The following TNK2 variants were observed in gnomAD, a reference collection of about 807,000 sequenced individuals.
TNK2 encodes activated CDC42 kinase 1.
Under a neutral mutation model 101.8 loss-of-function variants are expected in TNK2, and 83 were observed. That is an observed-to-expected ratio of 0.82 (90% CI 0.68 to 0.98). The LOEUF (loss-of-function observed/expected upper bound fraction) is 0.98. TNK2 is among the 50% of genes least tolerant of loss of function. TNK2 has a pLI of 0.00. For synonymous variants in TNK2, 804 were observed against 633.0 expected (o/e 1.27, Z -4.06); for missense variants, 1,665 against 1,483.2 (o/e 1.12, Z -2.01).
chr3:195,866,994 C>A lies in TNK2; in HGVS notation c.3056G>T (p.Gly1019Val), dbSNP rs761374258. Residue 1019 changes from glycine to valine, a missense_variant, in exon 15 of 16, where the codon GGT becomes GTT. Transcript: ENST00000672887. ...GTGGCACTCCCCTCTGGGCCGCAGACCCAGCCCGAAGAGCTGCTCCACCTG... is the reference window on the plus strand; with the variant it reads ...GTGGCACTCCCCTCTGGGCCGCAGAACCAGCCCGAAGAGCTGCTCCACCTG... ...YLKVEQLFGL[G>V]LRPRGECHKV... 3 of 1,613,236 alleles carry A rather than the reference C, an allele frequency of 1.9e-6. No individual in the cohort carries two copies. Among genetic ancestry groups the A allele is most frequent in the Non-Finnish European group, 2.5e-6 (3 of 1,179,930 alleles).
Position 195,868,523 on chromosome 3 carries a change from G to C in TNK2, c.1775C>G (p.Pro592Arg). ...EVTLIDFGEE[P>R]VVPALRPCAP... ...GCAGGGCCGTAGGGCCGGGACCACG[G>C]GCTCCTCACCGAAGTCGATGAGCGT... is the stretch of plus-strand genomic sequence containing the variant. Residue 592 changes from proline to arginine, a missense_variant, in exon 13 of 16, where the codon CCC becomes CGC. Pro to Arg is a moderately radical substitution (Grantham distance 103, BLOSUM62 -2). Transcript: ENST00000672887. 1 of 1,560,280 alleles carries C rather than the reference G, an allele frequency of 6.4e-7. No homozygotes were observed. Among genetic ancestry groups the C allele is most frequent in the Non-Finnish European group, 8.6e-7 (1 of 1,161,950 alleles).
intron 1 of TNK2, chr3:195,895,227 C>G (rs1577112670): frequency 6.6e-7 from 1 of 1,523,848 alleles, no homozygotes; most frequent in East Asian, 2.6e-5. Flanking sequence ...TCTGGCTATC[C>G]CCTAGCCTTC....
At position 195,867,153 on chromosome 3, in the gene TNK2, C is replaced by T; in HGVS notation, c.3033+16G>A. ...CAGGGTCCCTGAGAGCCAGAGTGAG[C>T]AGGAGGTGGCGGTACCTTCAGATAC... On this transcript the variant is annotated intron_variant, in intron 14 of 15. Transcript: ENST00000672887. 6.2e-7 allele frequency: 1 copy of T among 1,612,176 alleles called. No homozygotes were observed. Among genetic ancestry groups the T allele is most frequent in the Non-Finnish European group, 8.5e-7 (1 of 1,179,628 alleles).
At chr3:195,872,023 C>CCCTGGAGAACAT (rs1560489016) in intron 10 of TNK2, among the ~76,000 whole-genome samples, 4 of 67,706 alleles carry the variant, frequency 5.9e-5, no homozygotes, top group South Asian at 3.9e-4. Context: ...CTGGAGAACC[C>CCCTGGAGAACAT]TCCCCTGGAG....
rs565907557 is a variant in TNK2, at chr3:195,885,890, G to A, written c.235-857C>T. ...CCCCAGAGCTGGTGGATCCTTATCC[G>A]TCTGGGCTAGGGTGCCTCAAATCTG... On this transcript the variant is annotated intron_variant, in intron 3 of 15. Transcript: ENST00000672887. The surrounding 1 kb of genome is among the most constrained non-coding windows in gnomAD (Gnocchi z 4.7). The A allele has an allele frequency of 4.0e-5, 12 of 297,886 alleles. No individual in the cohort carries two copies. The highest frequency in any genetic ancestry group is 8.8e-5 in the South Asian group (3 of 34,044). 18.5% of individuals were successfully genotyped at this position (297,886 alleles called of 1,614,324 possible).
In TNK2 at chr3:195,888,543, C is replaced by G. The variant is rs774359188; in HGVS notation, c.46G>C (p.Glu16Gln). ...AGGAAGTACTGTTGCAGCTGCACCTCGGACAGCAGCTCCAGCAGCCAGCCT... is the reference window on the plus strand; with the variant it reads ...AGGAAGTACTGTTGCAGCTGCACCTGGGACAGCAGCTCCAGCAGCCAGCCT... Reference protein sequence around the residue: ...GTGWLLELLSEVQLQQYFLRL... With the variant: ...GTGWLLELLSQVQLQQYFLRL... The change falls in exon 2 of 16, where the codon GAG becomes CAG. Residue 16 changes from glutamate to glutamine, a missense_variant. By Grantham distance (29) the Glu-to-Gln change is conservative. Coordinates refer to ENST00000672887, the MANE Select transcript of TNK2 (RefSeq NM_001382273.1). The surrounding 1 kb of genome is among the most constrained non-coding windows in gnomAD (Gnocchi z 5.3). 3.7e-6 allele frequency: 6 copies of G among 1,612,802 alleles called. No individual in the cohort carries two copies. The Admixed American group carries it at 1.0e-4, about 27-fold the overall frequency.
chr3:195,895,760 G>C (rs552159152), intron 1 of TNK2: 1 of 302,218 alleles, frequency 3.3e-6, no homozygotes, highest in African/African-American at 2.2e-5. Context: ...GGGGCCATCC[G>C]AGAAGCCCAC....
chr3:195,903,131 C>T lies in TNK2; in HGVS notation c.-19+5354G>A, dbSNP rs898878475. Among the ~76,000 whole-genome samples, 6 of 151,384 alleles carry T rather than the reference C, an allele frequency of 4.0e-5. No homozygotes were observed. In the South Asian group the frequency reaches 1.3e-3, roughly 32 times the overall value. On this transcript the variant is annotated intron_variant, in intron 1 of 15. Transcript: ENST00000672887. ...TCTCGGCTTACTGCAACCTCCACCT[C>T]CCAGGTTCAAGCAATTCTCCCACCT...
At chr3:195,892,191 C>T (rs528102001) in intron 1 of TNK2, among the ~76,000 whole-genome samples, 1 of 152,340 alleles carries the variant, frequency 6.6e-6, no homozygotes, top group African/African-American at 2.4e-5. Flanking sequence ...AGTCTGCACA[C>T]CTGTGTCCGT....
intron 11 of TNK2, chr3:195,869,862 A>AAGGAGGG (rs1553905241): frequency 3.6e-6 from 2 of 550,728 alleles, no homozygotes; most frequent in East Asian, 3.0e-5. Flanking sequence ...TCGGCCGTGG[A>AAGGAGGG]AGGAGGGAGG....
rs759733357 is a variant in TNK2, at chr3:195,888,624, G to C, written c.-18-18C>G. The C allele has an allele frequency of 1.9e-6, 3 of 1,598,474 alleles. No homozygotes were observed. The highest frequency in any genetic ancestry group is 2.7e-5 in the African/African-American group (2 of 74,672). ...CCCAGCCTCTGTGGGGGGAGGAGTG[G>C]CTCAGGGACAAGGGTTGTGGGGGGA... On this transcript the variant is annotated intron_variant, in intron 1 of 15. Transcript: ENST00000672887. This position sits in a 1 kb window ranked among gnomAD's most constrained non-coding sequence, Gnocchi z 5.3.
At chr3:195,896,304 TG>T (rs1179344310) in intron 1 of TNK2, 3 of 331,962 alleles carry the variant, frequency 9.0e-6, no homozygotes, top group Non-Finnish European at 1.8e-5. Context: ...TTCCCTGGGT[TG>T]GGGCAGAGGA....
chr3:195,866,848 T>C, intron 15 of TNK2, 41 bp downstream of exon 15: 1 of 1,595,782 alleles, frequency 6.3e-7, no homozygotes. Context: ...GGGACAGCCC[T>C]CCTGGGGCAC....
chr3:195,892,060 G>A (rs888628561), intron 1 of TNK2: 30 of 983,596 alleles, frequency 3.1e-5, no homozygotes, highest in Middle Eastern at 4.4e-4. Flanking sequence ...GCAGGGGTCC[G>A]CCTCCCCTCT....
intron 9 of TNK2, among the ~76,000 whole-genome samples, chr3:195,873,679 G>A (rs1036438561): frequency 2.6e-4 from 39 of 152,236 alleles, no homozygotes; most frequent in African/African-American, 2.2e-4. Context: ...AGGCCGGGGA[G>A]AGAGGACGGA....
Position 195,888,619 on chromosome 3 carries a change from G to C in TNK2, c.-18-13C>G. ...CGCCTCCCAGCCTCTGTGGGGGGAG[G>C]AGTGGCTCAGGGACAAGGGTTGTGG... On this transcript the variant is annotated splice_polypyrimidine_tract_variant and intron_variant, in intron 1 of 15. Transcript: ENST00000672887. The surrounding 1 kb of genome is among the most constrained non-coding windows in gnomAD (Gnocchi z 5.3). The C allele has an allele frequency of 1.2e-6, 2 of 1,601,272 alleles. No individual in the cohort carries two copies. The highest frequency in any genetic ancestry group is 1.7e-6 in the Non-Finnish European group (2 of 1,174,496).
At chr3:195,869,827 A>T in intron 11 of TNK2, 1 of 550,082 alleles carries the variant, frequency 1.8e-6, no homozygotes, top group Non-Finnish European at 3.2e-6. Context: ...GATTAGGGGG[A>T]AGTGAGGAAA....
chr3:195,875,760 G>C (rs1050612237), intron 9 of TNK2, among the ~76,000 whole-genome samples: 2 of 152,182 alleles, frequency 1.3e-5, no homozygotes, highest in Non-Finnish European at 2.9e-5. Context: ...GACTTCCTGG[G>C]GGAGCAGGAA....
intron 1 of TNK2, chr3:195,895,123 TG>T: frequency 1.1e-6 from 1 of 916,580 alleles, no homozygotes; most frequent in Non-Finnish European, 1.5e-6. Context: ...CTCTGTCCCC[TG>T]GCCCAGGAGC....
Sources: allele counts gnomAD v4.1 joint callset (sites outside exome capture counted in the v4.1 genomes callset), GRCh38; gene constraint gnomAD v4.1.1; non-coding constraint Gnocchi (gnomAD v3.1); transcripts MANE v1.5; gene names NCBI Gene and HGNC (gene_info 2026-07-23, HGNC 2026-07-21).